ZNF540: variants seen among roughly 807,000 people sequenced by gnomAD.
The protein encoded by ZNF540 is CTD-3064H18.6.
Under a neutral mutation model 11.8 loss-of-function variants are expected in ZNF540, and 3 were observed. That is an observed-to-expected ratio of 0.25 (90% CI 0.12 to 0.65). ZNF540 has a LOEUF of 0.65. Ranked by LOEUF, ZNF540 falls within the 30% of genes least tolerant of loss-of-function variation. The probability of loss-of-function intolerance (pLI) is 0.83; values close to 1 mark genes in which losing one functional copy is unlikely to be tolerated. For missense variants in ZNF540, 709 were observed against 793.1 expected, an observed-to-expected ratio of 0.89 and a Z score of 1.27; for synonymous variants, 247 against 259.0, an observed-to-expected ratio of 0.95 and a Z score of 0.45.
At chr19:37,565,592 T>C (rs756330432) in intron 1 of ZNF540, 11 of 1,613,492 alleles carry the variant, frequency 6.8e-6, no homozygotes, top group Non-Finnish European at 9.3e-6. Flanking sequence ...CTTACATTCA[T>C]AGGGTTTTTC....
chr19:37,581,269 C>G (rs936404438), intron 1 of ZNF540, among the ~76,000 whole-genome samples: 3 of 152,062 alleles, frequency 2.0e-5, no homozygotes, highest in African/African-American at 7.2e-5. Flanking sequence ...AGATTAGTCT[C>G]TTTTTAATAA....
Position 37,563,744 on chromosome 19 carries a change from CAT to C in ZNF540, c.-73+12080_-73+12081del, listed in dbSNP as rs59847173. The stretch of plus-strand genomic sequence containing the variant: ...AATACATACACGTGGAATATATACA[CAT>C]GTGGAATATATTCCACATACACACA... On this transcript the variant is annotated intron_variant, in intron 1 of 4. Coordinates refer to the ZNF540 transcript ENST00000592533. 5.2e-3 allele frequency: 773 copies of C among 148,524 alleles called. 10 individuals are homozygous for C. The highest frequency in any genetic ancestry group is 0.018 in the African/African-American group (717 of 39,078). The allele number at this position is 148,524 out of a possible 1,614,324, so 9.2% of individuals were successfully genotyped here.
chr19:37,605,857 C>G (rs959708131), intron 4 of ZNF540, among the ~76,000 whole-genome samples: 3 of 152,104 alleles, frequency 2.0e-5, no homozygotes, highest in African/African-American at 7.2e-5. Context: ...ATTTGTCATT[C>G]CTTTTTCTCC....
chr19:37,566,225 A>T, intron 1 of ZNF540: 5 of 1,613,794 alleles, frequency 3.1e-6, no homozygotes, highest in Non-Finnish European at 3.4e-6. Context: ...CTCCCACTGG[A>T]GTGATTCCAT....
chr19:37,561,713 A>G (rs1288378323), intron 1 of ZNF540, among the ~76,000 whole-genome samples: 1 of 152,226 alleles, frequency 6.6e-6, no homozygotes, highest in African/African-American at 2.4e-5. Context: ...CTGGCTCAAG[A>G]TATTGTCTGC....
chr19:37,586,691 G>C, intron 1 of ZNF540: 1 of 1,613,978 alleles, frequency 6.2e-7, no homozygotes, highest in South Asian at 1.1e-5. Flanking sequence ...TTTTAGAACT[G>C]ATCAATTTTC....
chr19:37,554,343 C>T (rs951380682), intron 1 of ZNF540, among the ~76,000 whole-genome samples: 2 of 152,146 alleles, frequency 1.3e-5, no homozygotes, highest in Admixed American at 6.6e-5. Context: ...GAGGCTTTAG[C>T]TTTCATTTGT....
At position 37,613,231 on chromosome 19, in the gene ZNF540, T is replaced by G. The variant is rs755037035; in HGVS notation, c.1951T>G (p.Tyr651Asp). The change falls in exon 5 of 5, where the codon TAT (tyrosine) becomes GAT (aspartate). Residue 651 changes from tyrosine (Y) to aspartate (D), a missense_variant. Transcript: ENST00000316433. ...RKAFRQYSHL[Y>D]QHQKTHNVI is the part of the protein sequence containing the mutation. Reference sequence around the variant, plus strand: ...GGCCTTTAGACAATATTCACATCTTTATCAACATCAGAAAACTCATAATGT... The same window carrying G: ...GGCCTTTAGACAATATTCACATCTTGATCAACATCAGAAAACTCATAATGT... The G allele has an allele frequency of 6.6e-7, 1 of 1,526,280 alleles. No individual in the cohort carries two copies. The highest frequency in any genetic ancestry group is 2.3e-5 in the East Asian group (1 of 43,990). The allele number at this position is 1,526,280 out of a possible 1,614,324, so 94.5% of individuals were successfully genotyped here. A position where few individuals can be genotyped will look rare whatever the true frequency, so the allele number is the denominator to read the frequency against.
At chr19:37,604,917 T>A (rs1035424770) in intron 4 of ZNF540, among the ~76,000 whole-genome samples, 11 of 152,240 alleles carry the variant, frequency 7.2e-5, no homozygotes, top group African/African-American at 2.7e-4. Flanking sequence ...TCATACTACT[T>A]CTACTTCTGA....
chr19:37,551,630 CG>C (rs2042605844), exon 1 of ZNF540: 1 of 152,336 alleles, frequency 6.6e-6, no homozygotes, highest in Middle Eastern at 3.2e-3. Flanking sequence ...GCTGGGAGCG[CG>C]TCTCCTTGAA....
intron 4 of ZNF540, among the ~76,000 whole-genome samples, chr19:37,607,385 G>A (rs973828175): frequency 3.3e-5 from 5 of 152,118 alleles, no homozygotes; most frequent in African/African-American, 1.2e-4. Context: ...TATTAACTTT[G>A]AAAAATATAT....
intron 1 of ZNF540, among the ~76,000 whole-genome samples, chr19:37,572,149 A>G (rs1353021875): frequency 5.3e-5 from 8 of 152,128 alleles, no homozygotes; most frequent in Non-Finnish European, 1.2e-4. Flanking sequence ...TGTTACCCCT[A>G]TCACTTAACT....
intron 1 of ZNF540, chr19:37,560,660 G>A (rs2042706674): frequency 6.6e-6 from 1 of 152,004 alleles, no homozygotes. Flanking sequence ...TGAATGTAAT[G>A]ATTTTTAAAA....
intron 1 of ZNF540, among the ~76,000 whole-genome samples, chr19:37,570,417 C>T (rs186272207): frequency 1.5e-4 from 23 of 152,294 alleles, no homozygotes; most frequent in African/African-American, 5.3e-4. Context: ...CCTCGCTTCA[C>T]CTAACCTCTC....
intron 4 of ZNF540, among the ~76,000 whole-genome samples, chr19:37,606,401 G>A (rs889456836): frequency 9.9e-5 from 15 of 152,144 alleles, no homozygotes; most frequent in African/African-American, 3.1e-4. Context: ...ACATATCATT[G>A]TGTGGACATA....
intron 4 of ZNF540, among the ~76,000 whole-genome samples, chr19:37,604,473 A>G (rs1431244789): frequency 1.3e-5 from 2 of 151,376 alleles, no homozygotes; most frequent in Non-Finnish European, 2.9e-5. Flanking sequence ...ACGCCTGGCT[A>G]AGTTTTTGTA....
chr19:37,598,365 C>CTCTAACTCAGGCT lies in ZNF540; in HGVS notation c.-72-7_-67dup. 6.8e-7 allele frequency: 1 copy of CTCTAACTCAGGCT among 1,481,460 alleles called. No individual in the cohort carries two copies. Among genetic ancestry groups the CTCTAACTCAGGCT allele is most frequent in the African/African-American group, 1.4e-5 (1 of 71,254 alleles). The allele number at this position is 1,481,460 out of a possible 1,614,324, so 91.8% of individuals were successfully genotyped here. On this transcript the variant is annotated splice_polypyrimidine_tract_variant and intron_variant, in intron 1 of 4. Transcript: ENST00000316433. ...AGTCTCACTGTCTCATTTTTTTCTC[C>CTCTAACTCAGGCT]TCTAACTCAGGCTTCTCAGAACTTT...
At chr19:37,588,401 T>C (rs895029729) in intron 1 of ZNF540, among the ~76,000 whole-genome samples, 2 of 152,212 alleles carry the variant, frequency 1.3e-5, no homozygotes, top group African/African-American at 4.8e-5. Flanking sequence ...AATCATATCC[T>C]CTGCAGCAAC....
At chr19:37,561,065 A>G (rs1276593906) in intron 1 of ZNF540, among the ~76,000 whole-genome samples, 5 of 150,234 alleles carry the variant, frequency 3.3e-5, no homozygotes, top group East Asian at 3.9e-4. Flanking sequence ...AAAAAAAAAA[A>G]AAAAAAAAAG....
Sources: allele counts gnomAD v4.1 joint callset (sites outside exome capture counted in the v4.1 genomes callset), GRCh38; gene constraint gnomAD v4.1.1; transcripts MANE v1.5; gene names NCBI Gene and HGNC (gene_info 2026-07-23, HGNC 2026-07-21).